Variants in CDK13 observed in about 807,000 individuals in gnomAD.
CDK13 encodes cyclin dependent kinase 13.
In CDK13, 40 loss-of-function variants were observed where a neutral mutation model predicts 137.6. That is an observed-to-expected ratio of 0.29 (90% CI 0.23 to 0.38). CDK13 has a LOEUF of 0.38. Among genes scored for constraint, CDK13 ranks in the 10% least tolerant of loss-of-function variants. CDK13 has a pLI of 1.00. For synonymous variants in CDK13, 869 were observed against 760.1 expected, an observed-to-expected ratio of 1.14 and a Z score of -2.36; for missense variants, 1,704 against 1,951.8, an observed-to-expected ratio of 0.87 and a Z score of 2.39.
At chr7:39,958,798 G>C (rs1159587765) in intron 1 of CDK13, among the ~76,000 whole-genome samples, 1 of 151,804 alleles carries the variant, frequency 6.6e-6, no homozygotes, top group East Asian at 1.9e-4. Flanking sequence ...AAATTTTTGA[G>C]GCAAAGGTGG....
chr7:39,970,918 C>A (rs1783983877), intron 1 of CDK13, among the ~76,000 whole-genome samples: 1 of 152,140 alleles, frequency 6.6e-6, no homozygotes, highest in Non-Finnish European at 1.5e-5. Context: ...TATCATTTTC[C>A]TCTGGCTGGA....
chr7:40,009,081 A>G (rs1014384032), intron 5 of CDK13, among the ~76,000 whole-genome samples: 1 of 152,232 alleles, frequency 6.6e-6, no homozygotes, highest in Non-Finnish European at 1.5e-5. Flanking sequence ...CATATATTTG[A>G]AAAACAAAGT....
intron 5 of CDK13, among the ~76,000 whole-genome samples, chr7:40,038,174 C>A (rs1343129518): frequency 1.3e-5 from 2 of 152,064 alleles, no homozygotes; most frequent in Non-Finnish European, 2.9e-5. Flanking sequence ...TCCAATGTTT[C>A]TTTTGTACAT....
chr7:40,023,148 A>AGTGAC (rs1785162967), intron 5 of CDK13, among the ~76,000 whole-genome samples: 1 of 148,970 alleles, frequency 6.7e-6, no homozygotes, highest in African/African-American at 2.5e-5. Context: ...GCTGCAGTGC[A>AGTGAC]GTGACGCTAT....
intron 7 of CDK13, among the ~76,000 whole-genome samples, chr7:40,053,835 A>AG (rs1562751470): frequency 7.8e-6 from 1 of 127,860 alleles, no homozygotes; most frequent in East Asian, 4.3e-4. Flanking sequence ...TTTATTATAC[A>AG]TAGTTTCCTT....
At chr7:40,036,324 T>C (rs979277904) in intron 5 of CDK13, among the ~76,000 whole-genome samples, 4 of 152,188 alleles carry the variant, frequency 2.6e-5, no homozygotes, top group Non-Finnish European at 5.9e-5. Flanking sequence ...AGACTCATTA[T>C]TACTAAAATA....
Position 40,056,048 on chromosome 7 carries a change from T to C in CDK13, c.2601-6778T>C, listed in dbSNP as rs574242329. ...ACGGGATTTAATATTAGCATCCTAA[T>C]CGTAACGTGGATTTTTGTTTGATAG... On this transcript the variant is annotated intron_variant, in intron 7 of 13. Coordinates refer to ENST00000181839, the MANE Select transcript of CDK13 (RefSeq NM_003718.5). 7.2e-5 allele frequency among the ~76,000 whole-genome samples: 11 copies of C among 152,352 alleles called. No individual in the cohort carries two copies. In the South Asian group the frequency reaches 1.9e-3, roughly 26 times the overall value.
intron 11 of CDK13, among the ~76,000 whole-genome samples, chr7:40,085,286 G>A (rs1321368444): frequency 6.6e-6 from 1 of 152,098 alleles, no homozygotes; most frequent in Admixed American, 6.5e-5. Context: ...GCTTGAACCT[G>A]GGAGGCGGAG....
In CDK13 at chr7:39,951,216, A is replaced by C; in HGVS notation, c.575A>C (p.Glu192Ala). ...TCCTCCGGCACCCAGCGGCGCGGGG[A>C]GGGGTCGGAGCGCAGGCCCCGCCGG... is the stretch of plus-strand genomic sequence containing the variant. ...ASSSGTQRRGEGSERRPRRDR... is the reference protein window; with the variant it reads ...ASSSGTQRRGAGSERRPRRDR... Residue 192 changes from glutamate (E) to alanine (A), a missense_variant, in exon 1 of 14, where the codon GAG (glutamate) becomes GCG (alanine). Glu to Ala is a moderately radical substitution (Grantham distance 107, BLOSUM62 -1). Coordinates refer to ENST00000181839, the MANE Select transcript of CDK13 (RefSeq NM_003718.5). The C allele has an allele frequency of 8.0e-7, 1 of 1,253,742 alleles. No individual in the cohort carries two copies. The highest frequency in any genetic ancestry group is 1.0e-6 in the Non-Finnish European group (1 of 1,001,662). 77.7% of individuals were successfully genotyped at this position (1,253,742 alleles called of 1,614,324 possible).
At chr7:40,011,673 T>G (rs1784897484) in intron 5 of CDK13, among the ~76,000 whole-genome samples, 1 of 151,840 alleles carries the variant, frequency 6.6e-6, no homozygotes, top group South Asian at 2.1e-4. Context: ...ACTAAAACCA[T>G]AAACCTATTA....
intron 9 of CDK13, among the ~76,000 whole-genome samples, chr7:40,063,681 A>G (rs1786206754): frequency 6.6e-6 from 1 of 151,856 alleles, no homozygotes; most frequent in South Asian, 2.1e-4. Context: ...TTTTTGAGAT[A>G]GAGTCTCACT....
At chr7:40,046,184 C>A (rs374293221) in intron 6 of CDK13, among the ~76,000 whole-genome samples, 159 bp downstream of exon 6, 221 of 152,024 alleles carry the variant, frequency 1.5e-3, no homozygotes, top group African/African-American at 5.3e-3. Flanking sequence ...TGATGGGTAC[C>A]CCAGAAGCCT....
At chr7:40,027,417 T>G (rs1031151223) in intron 5 of CDK13, among the ~76,000 whole-genome samples, 2 of 152,208 alleles carry the variant, frequency 1.3e-5, no homozygotes, top group South Asian at 2.1e-4. Context: ...CTTTAGATTT[T>G]TTGGTACTAA....
In CDK13 at chr7:39,951,642, G is replaced by T; in HGVS notation, c.1001G>T (p.Ser334Ile). ...DSPVSHRASQSLRSRKSPSPA... is the reference protein window; with the variant it reads ...DSPVSHRASQILRSRKSPSPA... ...CCGGTGTCCCACAGGGCCTCTCAGA[G>T]CCTGAGGAGCCGCAAGTCCCCCAGC... The change falls in exon 1 of 14, where the codon AGC becomes ATC. Residue 334 changes from serine (S) to isoleucine (I), a missense_variant. Coordinates refer to ENST00000181839, the MANE Select transcript of CDK13 (RefSeq NM_003718.5). 1 of 1,476,300 alleles carries T rather than the reference G, an allele frequency of 6.8e-7. No homozygotes were observed. The highest frequency in any genetic ancestry group is 8.9e-7 in the Non-Finnish European group (1 of 1,117,888). 91.5% of individuals were successfully genotyped at this position (1,476,300 alleles called of 1,614,324 possible). A position where few individuals can be genotyped will look rare whatever the true frequency, so the allele number is the denominator to read the frequency against.
At chr7:40,059,075 CTT>C (rs1786083803) in intron 7 of CDK13, 1 of 152,152 alleles carries the variant, frequency 6.6e-6, no homozygotes, top group Non-Finnish European at 1.5e-5. Context: ...TTAGAATGGT[CTT>C]TAACAAAGGC....
intron 5 of CDK13, among the ~76,000 whole-genome samples, chr7:40,027,932 T>A (rs1190181431): frequency 6.6e-6 from 1 of 152,038 alleles, no homozygotes; most frequent in Non-Finnish European, 1.5e-5. Flanking sequence ...ACGTAGGCCC[T>A]TGCCATAGGA....
At chr7:40,046,244 A>G (rs889385401) in intron 6 of CDK13, among the ~76,000 whole-genome samples, 1 of 152,094 alleles carries the variant, frequency 6.6e-6, no homozygotes, top group African/African-American at 2.4e-5. Flanking sequence ...AAACACATAT[A>G]CCCCCGAATC....
intron 1 of CDK13, among the ~76,000 whole-genome samples, chr7:39,974,627 C>T (rs997418224): frequency 3.3e-5 from 5 of 151,212 alleles, no homozygotes; most frequent in African/African-American, 9.7e-5. Flanking sequence ...TGCAGTGGCA[C>T]GGTCTTGGCT....
chr7:40,062,892 AC>A lies in CDK13; in HGVS notation c.2668del (p.Arg890AspfsTer34). ...CACCTGAACTGCTACTGGGAGAAGAACGATACACACCAGCCATTGATGTATG... is the reference window on the plus strand; with the variant it reads ...CACCTGAACTGCTACTGGGAGAAGAAGATACACACCAGCCATTGATGTATG... ...RPPELLLGEE[R>X]YTPAIDVWSC... On this transcript the variant is annotated frameshift_variant, in exon 8 of 14. Transcript: ENST00000181839. LOFTEE classifies it high-confidence loss of function. The A allele has an allele frequency of 6.2e-7, 1 of 1,614,020 alleles. No homozygotes were observed. The highest frequency in any genetic ancestry group is 8.5e-7 in the Non-Finnish European group (1 of 1,179,874).
Sources: gnomAD v4.1 joint callset for allele counts (sites outside exome capture counted in the v4.1 genomes callset) on GRCh38, gnomAD v4.1.1 for gene constraint, MANE v1.5 for transcripts, NCBI Gene and HGNC (gene_info 2026-07-23, HGNC 2026-07-21) for gene names.